The following ARHGEF3 variants were observed in gnomAD, a reference collection of about 807,000 sequenced individuals.
ARHGEF3 encodes the protein Rho guanine nucleotide exchange factor 3.
A neutral mutation model predicts 63.2 loss-of-function variants in ARHGEF3; 28 were observed. The ratio of observed to expected loss-of-function variants is 0.44; its 90% CI spans 0.33 to 0.61. ARHGEF3 has a LOEUF of 0.61. Among genes scored for constraint, ARHGEF3 ranks in the 20% least tolerant of loss-of-function variants. ARHGEF3 has a pLI of 0.03. For missense variants in ARHGEF3, 533 were observed against 659.3 expected (o/e 0.81, Z 2.10); for synonymous variants, 266 against 254.2 (o/e 1.05, Z -0.44).
At chr3:56,769,521 G>A (rs964925849) in intron 2 of ARHGEF3, among the ~76,000 whole-genome samples, 1 of 152,244 alleles carries the variant, frequency 6.6e-6, no homozygotes. Flanking sequence ...TGGGGTGCAA[G>A]CCCCCAGCCC....
intron 6 of ARHGEF3, among the ~76,000 whole-genome samples, chr3:56,750,750 G>T (rs777155382): frequency 6.7e-6 from 1 of 148,784 alleles, no homozygotes; most frequent in African/African-American, 2.5e-5. Flanking sequence ...TTGGCCTGAC[G>T]GAATATTAAC....
intron 2 of ARHGEF3, among the ~76,000 whole-genome samples, chr3:57,016,409 C>T (rs1401134095): frequency 2.0e-5 from 3 of 150,990 alleles, no homozygotes; most frequent in Non-Finnish European, 4.4e-5. Context: ...ATTAGCTGGG[C>T]GTGATGGTGG....
chr3:56,901,420 G>A (rs1023832627), intron 3 of ARHGEF3, among the ~76,000 whole-genome samples: 1 of 151,484 alleles, frequency 6.6e-6, no homozygotes, highest in African/African-American at 2.4e-5. Flanking sequence ...GTATGTATAC[G>A]TATATGTACA....
intron 3 of ARHGEF3, among the ~76,000 whole-genome samples, chr3:56,920,896 CA>C (rs990599651): frequency 4.0e-5 from 6 of 150,218 alleles, no homozygotes; most frequent in South Asian, 4.2e-4. Flanking sequence ...ACTAAAAATA[CA>C]AAAAAAAATT....
intron 2 of ARHGEF3, among the ~76,000 whole-genome samples, chr3:57,034,764 CT>C (rs1417283878): frequency 6.7e-6 from 1 of 149,818 alleles, no homozygotes; most frequent in Non-Finnish European, 1.5e-5. Flanking sequence ...TCAAACAATC[CT>C]CCCGCCTCAG....
intron 1 of ARHGEF3, among the ~76,000 whole-genome samples, chr3:57,062,169 C>CGCAA: frequency 3.0e-5 from 1 of 32,970 alleles, no homozygotes; most frequent in East Asian, 3.2e-3. Context: ...CCTGGAGCAG[C>CGCAA]TCAGTCATGT....
intron 3 of ARHGEF3, chr3:56,916,515 G>A: frequency 1.5e-6 from 2 of 1,371,878 alleles, no homozygotes; most frequent in Non-Finnish European, 1.9e-6. Flanking sequence ...GTCAGAGGCT[G>A]AGAGCCGCAC....
chr3:56,983,645 AACTG>A (rs1357108061), intron 2 of ARHGEF3, among the ~76,000 whole-genome samples: 1 of 152,120 alleles, frequency 6.6e-6, no homozygotes, highest in Non-Finnish European at 1.5e-5. Context: ...CTCCTTTTAA[AACTG>A]ACTATCAGCC....
chr3:56,779,529 G>A (rs191279636), intron 1 of ARHGEF3, among the ~76,000 whole-genome samples: 1 of 150,836 alleles, frequency 6.6e-6, no homozygotes, highest in East Asian at 2.0e-4. Context: ...GTCTCGCTCT[G>A]TCGCGCAGGC....
At chr3:56,813,470 AG>A (rs2038148094) in intron 4 of ARHGEF3, among the ~76,000 whole-genome samples, 1 of 152,156 alleles carries the variant, frequency 6.6e-6, no homozygotes, top group Non-Finnish European at 1.5e-5. Flanking sequence ...CTGGCTGGGG[AG>A]GGATCCAGTT....
At chr3:56,837,433 T>A (rs2039153687) in intron 4 of ARHGEF3, among the ~76,000 whole-genome samples, 1 of 152,328 alleles carries the variant, frequency 6.6e-6, no homozygotes, top group Non-Finnish European at 1.5e-5. Flanking sequence ...TAGTCTTCCA[T>A]CTTTAATTGG....
At chr3:56,749,380 A>T (rs1171297981) in intron 6 of ARHGEF3, among the ~76,000 whole-genome samples, 1 of 152,214 alleles carries the variant, frequency 6.6e-6, no homozygotes, top group African/African-American at 2.4e-5. Context: ...AATTCCTACA[A>T]TTTTGCTTCT....
intron 1 of ARHGEF3, 133 bp from the exon 2 acceptor site, chr3:56,773,949 T>C (rs2036151885): frequency 1.4e-6 from 1 of 714,052 alleles, no homozygotes; most frequent in Non-Finnish European, 2.2e-6. Context: ...AAGTGTCACG[T>C]CTCACTCTGG....
intron 2 of ARHGEF3, among the ~76,000 whole-genome samples, chr3:56,768,283 T>C (rs2035820787): frequency 1.3e-5 from 2 of 152,302 alleles, no homozygotes; most frequent in East Asian, 1.9e-4. Context: ...GGTCTCGAAC[T>C]CCTGACCTCT....
chr3:56,790,343 G>A (rs1288830824), intron 1 of ARHGEF3, among the ~76,000 whole-genome samples: 1 of 152,200 alleles, frequency 6.6e-6, no homozygotes, highest in East Asian at 1.9e-4. Context: ...ATCTGAGGAG[G>A]AAGGAGGTGG....
chr3:57,030,501 T>G (rs1703687908), intron 2 of ARHGEF3, among the ~76,000 whole-genome samples: 1 of 152,220 alleles, frequency 6.6e-6, no homozygotes, highest in Non-Finnish European at 1.5e-5. Flanking sequence ...ACCAAATGAA[T>G]GAATGAATAA....
chr3:56,945,030 C>T (rs760001971), intron 3 of ARHGEF3, among the ~76,000 whole-genome samples: 8 of 152,110 alleles, frequency 5.3e-5, no homozygotes, highest in Non-Finnish European at 1.0e-4. Flanking sequence ...TGGAAGTTCT[C>T]CTATGGGTTA....
In ARHGEF3 at chr3:56,933,240, T is replaced by C. The variant is rs145387546; in HGVS notation, c.129+25583A>G. Among the ~76,000 whole-genome samples the C allele has an allele frequency of 1.2e-3, 178 of 152,318 alleles. 3 individuals are homozygous for C. In the East Asian group the frequency reaches 0.03, roughly 26 times the overall value. ...AGCTTTTTGCACAACAAATTTTCTT[T>C]CTTCCCTCTAAATTGGTACATCTCT... is the stretch of plus-strand genomic sequence containing the variant. On this transcript the variant is annotated intron_variant, in intron 3 of 12. Transcript: ENST00000338458.
At chr3:57,051,858 G>T (rs1262700525) in intron 1 of ARHGEF3, among the ~76,000 whole-genome samples, 1 of 152,118 alleles carries the variant, frequency 6.6e-6, no homozygotes, top group Non-Finnish European at 1.5e-5. Flanking sequence ...CAGCTACTTG[G>T]GAGGCTGAGA....
Sources: gnomAD v4.1 joint callset for allele counts (sites outside exome capture counted in the v4.1 genomes callset) on GRCh38, gnomAD v4.1.1 for gene constraint, MANE v1.5 for transcripts, NCBI Gene and HGNC (gene_info 2026-07-23, HGNC 2026-07-21) for gene names.